SHB: variants seen among roughly 807,000 people sequenced by gnomAD.
SHB encodes the protein SH2 domain containing adaptor protein B.
Under a neutral mutation model 52.3 loss-of-function variants are expected in SHB, and 20 were observed. That is an observed-to-expected ratio of 0.38 (90% CI 0.27 to 0.56). The LOEUF (loss-of-function observed/expected upper bound fraction) is 0.56, where lower values mean the gene tolerates loss of function less well. Among genes scored for constraint, SHB ranks in the 20% least tolerant of loss-of-function variants. SHB has a pLI of 0.71. For missense variants in SHB, 825 were observed against 723.3 expected, an observed-to-expected ratio of 1.14 and a Z score of -1.61; for synonymous variants, 397 against 316.5, an observed-to-expected ratio of 1.25 and a Z score of -2.70.
chr9:38,043,206 A>G (rs1821603719), intron 1 of SHB, among the ~76,000 whole-genome samples: 1 of 152,206 alleles, frequency 6.6e-6, no homozygotes, highest in South Asian at 2.1e-4. Context: ...TTGCAGTGGA[A>G]GTCCTTGTGT....
At chr9:38,036,232 G>A (rs976500943) in intron 1 of SHB, among the ~76,000 whole-genome samples, 7 of 152,148 alleles carry the variant, frequency 4.6e-5, no homozygotes, top group Admixed American at 2.6e-4. Context: ...CCACTCTAAC[G>A]CATGGGGCAC....
At chr9:37,986,927 C>T (rs1031943321) in intron 2 of SHB, among the ~76,000 whole-genome samples, 10 of 152,346 alleles carry the variant, frequency 6.6e-5, no homozygotes, top group South Asian at 4.1e-4. Flanking sequence ...CCCACACACG[C>T]GATCTTCCAG....
Position 38,068,432 on chromosome 9 carries a change from C to G in SHB, c.214G>C (p.Asp72His), listed in dbSNP as rs552119636. The G allele has an allele frequency of 1.5e-4, 237 of 1,555,918 alleles. No individual in the cohort carries two copies. In the East Asian group the frequency reaches 5.7e-3, roughly 37 times the overall value. The change falls in exon 1 of 6, where the codon GAC becomes CAC. Residue 72 changes from aspartate to histidine, a missense_variant. By Grantham distance (81) the Asp-to-His change is moderately conservative. Transcript: ENST00000377707. ...CFSASSGSLP[D>H]DSGSTSDLIR... The stretch of plus-strand genomic sequence containing the variant: ...AGGTCGCTGGTGCTGCCGCTGTCGT[C>G]GGGCAGCGAGCCCGAAGAGGCTGAG...
At chr9:37,994,494 T>C (rs992336608) in intron 2 of SHB, among the ~76,000 whole-genome samples, 1 of 152,252 alleles carries the variant, frequency 6.6e-6, no homozygotes, top group African/African-American at 2.4e-5. Context: ...CTCGGGAGAC[T>C]TAGGTTCAAA....
At chr9:38,059,026 C>A (rs986536700) in intron 1 of SHB, among the ~76,000 whole-genome samples, 1 of 152,238 alleles carries the variant, frequency 6.6e-6, no homozygotes, top group South Asian at 2.1e-4. Flanking sequence ...CTCAGGGGAG[C>A]ATAGACTCTT....
chr9:37,970,157 G>A (rs1036890052), intron 3 of SHB, among the ~76,000 whole-genome samples: 2 of 152,218 alleles, frequency 1.3e-5, no homozygotes, highest in South Asian at 2.1e-4. Flanking sequence ...CTGGGGATTG[G>A]GATCCGACAA....
chr9:37,936,135 G>C (rs1422411770), intron 5 of SHB, among the ~76,000 whole-genome samples: 2 of 152,030 alleles, frequency 1.3e-5, no homozygotes. Context: ...AGAATTGCTT[G>C]AACTTGGGAG....
chr9:38,001,923 C>G (rs1821019299), intron 2 of SHB, among the ~76,000 whole-genome samples: 1 of 152,178 alleles, frequency 6.6e-6, no homozygotes, highest in Admixed American at 6.5e-5. Context: ...CTCCAGAGAG[C>G]ACGAGTGGTG....
chr9:37,985,271 C>A (rs1820790753), intron 2 of SHB, among the ~76,000 whole-genome samples: 1 of 152,350 alleles, frequency 6.6e-6, no homozygotes, highest in South Asian at 2.1e-4. Flanking sequence ...GGGTTTGCTC[C>A]CTTCCCTTGG....
chr9:38,030,327 G>A (rs1450743882), intron 1 of SHB, among the ~76,000 whole-genome samples: 2 of 152,196 alleles, frequency 1.3e-5, no homozygotes, highest in African/African-American at 4.8e-5. Flanking sequence ...ACAGCAAAAT[G>A]AGCCCAGATA....
chr9:37,974,809 G>C lies in SHB; in HGVS notation c.867C>G (p.Ser289=), dbSNP rs770420394. The change falls in exon 3 of 6, where the codon TCC becomes TCG. Residue 289 remains serine, a synonymous_variant. Transcript: ENST00000377707. ...CATATAACTGGATACCTTTATGCTG[G>C]GACCGGACACTTTCCTGCCTCTGAA... is the stretch of plus-strand genomic sequence containing the variant. The part of the protein sequence containing the change: ...TEFQRQESVR[S]QHKGIQLYDT... 1 of 1,614,058 alleles carries C rather than the reference G, an allele frequency of 6.2e-7. No homozygotes were observed. Among genetic ancestry groups the C allele is most frequent in the South Asian group, 1.1e-5 (1 of 91,062 alleles).
Position 38,068,549 on chromosome 9 carries a change from G to C in SHB, c.97C>G (p.Arg33Gly), listed in dbSNP as rs1195504914. 8 of 1,456,462 alleles carry C rather than the reference G, an allele frequency of 5.5e-6. No individual in the cohort carries two copies. Among genetic ancestry groups the C allele is most frequent in the Non-Finnish European group, 7.2e-6 (8 of 1,116,508 alleles). 90.2% of individuals were successfully genotyped at this position (1,456,462 alleles called of 1,614,324 possible). A position where few individuals can be genotyped will look rare whatever the true frequency, so the allele number is the denominator to read the frequency against. ...GGGGGCTGCGAAGGCCGCTCGCCTC[G>C]GCGCCGCTGCTCGCGGTAGTCTGGC... is the stretch of plus-strand genomic sequence containing the variant. The part of the protein sequence containing the change: ...PRPDYREQRR[R>G]GERPSQPPQA... Residue 33 changes from arginine to glycine, a missense_variant, in exon 1 of 6, where the codon CGA (arginine) becomes GGA (glycine). Transcript: ENST00000377707.
intron 1 of SHB, among the ~76,000 whole-genome samples, chr9:38,067,377 C>G (rs1821983303): frequency 6.6e-6 from 1 of 151,918 alleles, no homozygotes; most frequent in African/African-American, 2.4e-5. Context: ...CCAGGCAGCC[C>G]GGATTTGGAA....
At chr9:37,971,232 T>C (rs1820587073) in intron 3 of SHB, among the ~76,000 whole-genome samples, 2 of 152,178 alleles carry the variant, frequency 1.3e-5, no homozygotes, top group South Asian at 4.1e-4. Context: ...TGCAGATGGA[T>C]GTACACTCTC....
intron 1 of SHB, among the ~76,000 whole-genome samples, chr9:38,058,210 T>A (rs1472355860): frequency 6.6e-6 from 1 of 152,220 alleles, no homozygotes; most frequent in Admixed American, 6.5e-5. Flanking sequence ...CCATCTCCCA[T>A]GAGGCCTCCT....
Position 37,919,017 on chromosome 9 carries a change from C to T in SHB, c.*804G>A, listed in dbSNP as rs75380662. On this transcript the variant is annotated 3_prime_UTR_variant, in exon 6 of 6. Coordinates refer to ENST00000377707, the MANE Select transcript of SHB (RefSeq NM_003028.3). Reference sequence around the variant, plus strand: ...GAGCTGAGGCCTCGGCCTCCCTCCCCTCCCTGGGGCCTGCCACAGCAGCAA... The same window carrying T: ...GAGCTGAGGCCTCGGCCTCCCTCCCTTCCCTGGGGCCTGCCACAGCAGCAA... The T allele has an allele frequency of 0.024, 3,698 of 152,616 alleles. 69 individuals carry two copies. Among genetic ancestry groups the T allele is most frequent in the East Asian group, 0.048 (248 of 5,178 alleles). 9.5% of individuals were successfully genotyped at this position (152,616 alleles called of 1,614,324 possible). A position where few individuals can be genotyped will look rare whatever the true frequency, so the allele number is the denominator to read the frequency against.
chr9:37,996,317 C>T (rs894101261), intron 2 of SHB, among the ~76,000 whole-genome samples: 1 of 152,218 alleles, frequency 6.6e-6, no homozygotes, highest in South Asian at 2.1e-4. Context: ...ATCATAAAGT[C>T]TGAGCTTAGC....
Position 38,023,669 on chromosome 9 carries a change from C to T in SHB, c.718-7538G>A, listed in dbSNP as rs1281957621. On this transcript the variant is annotated intron_variant, in intron 1 of 5. Coordinates refer to ENST00000377707, the MANE Select transcript of SHB (RefSeq NM_003028.3). ...GTTTGTGAATGCCCTTTTTTCCCCC[C>T]TTTCCTGCTTTGGGTAAGATTCATG... Among the ~76,000 whole-genome samples, 4 of 152,154 alleles carry T rather than the reference C, an allele frequency of 2.6e-5. No individual in the cohort carries two copies. In the East Asian group the frequency reaches 7.7e-4, roughly 29 times the overall value.
At chr9:38,045,377 G>A (rs1036332218) in intron 1 of SHB, among the ~76,000 whole-genome samples, 1 of 152,054 alleles carries the variant, frequency 6.6e-6, no homozygotes, top group African/African-American at 2.4e-5. Context: ...GAGGTGGGTG[G>A]ATCACTTGAG....
Sources: gnomAD v4.1 joint callset for allele counts (sites outside exome capture counted in the v4.1 genomes callset) on GRCh38, gnomAD v4.1.1 for gene constraint, MANE v1.5 for transcripts, NCBI Gene and HGNC (gene_info 2026-07-23, HGNC 2026-07-21) for gene names.